Variants in CBL observed in about 807,000 individuals in gnomAD.
The protein encoded by CBL is E3 ubiquitin-protein ligase CBL.
A neutral mutation model predicts 96.9 loss-of-function variants in CBL; 45 were observed. The ratio of observed to expected loss-of-function variants is 0.46; its 90% CI spans 0.37 to 0.60. CBL has a LOEUF of 0.60. Ranked by LOEUF, CBL falls within the 20% of genes least tolerant of loss-of-function variation. The pLI, the probability that CBL is intolerant of heterozygous loss-of-function variation, is 0.00. For synonymous variants in CBL, 420 were observed against 426.8 expected (o/e 0.98, Z 0.20); for missense variants, 1,024 against 1,143.5 (o/e 0.90, Z 1.51).
chr11:119,254,824 A>G (rs1311267366), intron 2 of CBL, among the ~76,000 whole-genome samples: 1 of 151,392 alleles, frequency 6.6e-6, no homozygotes. Flanking sequence ...CTGGTCTGAA[A>G]CTCCTGACCT....
Position 119,207,887 on chromosome 11 carries a change from A to T in CBL, c.195+1275A>T, listed in dbSNP as rs189455232. Among the ~76,000 whole-genome samples, 4 of 152,322 alleles carry T rather than the reference A, an allele frequency of 2.6e-5. No individual in the cohort carries two copies. In the East Asian group the frequency reaches 7.7e-4, roughly 29 times the overall value. ...GGTTGCTTTGGACTAGAAACCGCTA[A>T]TAAAATGATTATGAAGCACTTAGCC... On this transcript the variant is annotated intron_variant, in intron 1 of 15. Coordinates refer to ENST00000264033, the MANE Select transcript of CBL (RefSeq NM_005188.4).
Position 119,297,434 on chromosome 11 carries a change from A to G in CBL, c.2204A>G (p.Tyr735Cys). Reference sequence around the variant, plus strand: ...GATAGCTGTACGTATGAAGCAATGTATAATATTCAGTCCCAGGCGCCATCT... The same window carrying G: ...GATAGCTGTACGTATGAAGCAATGTGTAATATTCAGTCCCAGGCGCCATCT... ...QIDSCTYEAM[Y>C]NIQSQAPSIT... The change falls in exon 14 of 16, where the codon TAT (tyrosine) becomes TGT (cysteine). Residue 735 changes from tyrosine (Y) to cysteine (C), a missense_variant. Transcript: ENST00000264033. The G allele has an allele frequency of 6.2e-7, 1 of 1,613,966 alleles. No individual in the cohort carries two copies. The highest frequency in any genetic ancestry group is 1.1e-5 in the South Asian group (1 of 91,076).
rs115964601 is a variant in CBL, at chr11:119,214,527, G to A, written c.195+7915G>A. On this transcript the variant is annotated intron_variant, in intron 1 of 15. Transcript: ENST00000264033. ...ACCTCCCAAAGTACTGGGATTACAG[G>A]TGTGAGCCACCGTGCCTGGGCAGTA... Among the ~76,000 whole-genome samples the A allele has an allele frequency of 8.3e-3, 1,259 of 152,330 alleles. 22 individuals carry two copies. Among genetic ancestry groups the A allele is most frequent in the African/African-American group, 0.029 (1,191 of 41,574 alleles).
At chr11:119,289,533 C>A (rs537108241) in intron 12 of CBL, 4 of 150,430 alleles carry the variant, frequency 2.7e-5, no homozygotes, top group African/African-American at 9.8e-5. Flanking sequence ...TGTATTATAC[C>A]ATTTCACTCC....
intron 15 of CBL, 84 bp from the exon 16 acceptor site, chr11:119,299,411 T>C (rs988173008): frequency 3.2e-5 from 41 of 1,281,750 alleles, no homozygotes; most frequent in African/African-American, 2.4e-4. Context: ...GTCAGTAATA[T>C]CTTGATATTA....
At chr11:119,274,516 T>G (rs998272598) in intron 4 of CBL, among the ~76,000 whole-genome samples, 8 of 152,228 alleles carry the variant, frequency 5.3e-5, no homozygotes, top group African/African-American at 1.9e-4. Context: ...TGGAACTTAT[T>G]AGTTGCACCT....
chr11:119,230,298 G>A (rs375957741), intron 1 of CBL, among the ~76,000 whole-genome samples: 10 of 151,932 alleles, frequency 6.6e-5, no homozygotes, highest in African/African-American at 2.2e-4. Context: ...GACTACAGGC[G>A]CCCGCCACCA....
At chr11:119,211,390 A>T (rs1418935166) in intron 1 of CBL, among the ~76,000 whole-genome samples, 2 of 152,174 alleles carry the variant, frequency 1.3e-5, no homozygotes, top group Admixed American at 6.5e-5. Context: ...ACAACAAAAA[A>T]TCTTATTGTA....
At position 119,285,089 on chromosome 11, in the gene CBL, A is replaced by G. The variant is rs377734587; in HGVS notation, c.1552A>G (p.Thr518Ala). The change falls in exon 10 of 16, where the codon ACT (threonine) becomes GCT (alanine). Residue 518 changes from threonine (T) to alanine (A), a missense_variant. Thr to Ala is a moderately conservative substitution (Grantham distance 58). Around this residue, in one of 4 missense-constraint regions of CBL, gnomAD observed 695 missense variants for 661.6 expected, o/e 1.05. Coordinates refer to ENST00000264033, the MANE Select transcript of CBL (RefSeq NM_005188.4). The part of the protein sequence containing the change: ...CVPSSASALG[T>A]ASKAASGSLH... ...TCCCTCAAGTGCTTCTGCTCTTGGAACTGCTTCTAAGGTAAAGCATTTTCC... is the reference window on the plus strand; with the variant it reads ...TCCCTCAAGTGCTTCTGCTCTTGGAGCTGCTTCTAAGGTAAAGCATTTTCC... 4.3e-6 allele frequency: 7 copies of G among 1,613,938 alleles called. No homozygotes were observed. The African/African-American group carries it at 9.3e-5, about 22-fold the overall frequency.
In CBL at chr11:119,306,356, G is replaced by A. The variant is rs569180524; in HGVS notation, c.*6575G>A. 14 of 398,734 alleles carry A rather than the reference G, an allele frequency of 3.5e-5. No homozygotes were observed. The highest frequency in any genetic ancestry group is 1.2e-4 in the African/African-American group (6 of 48,732). The allele number at this position is 398,734 out of a possible 1,614,324, so 24.7% of individuals were successfully genotyped here. Reference sequence around the variant, plus strand: ...TGAAGAAATCAGCAGAGTCCTGATTGCCTGATTCAGTCCCAAAAATGAATG... The same window carrying A: ...TGAAGAAATCAGCAGAGTCCTGATTACCTGATTCAGTCCCAAAAATGAATG... On this transcript the variant is annotated 3_prime_UTR_variant, in exon 16 of 16. Coordinates refer to ENST00000264033, the MANE Select transcript of CBL (RefSeq NM_005188.4).
intron 5 of CBL, 89 bp from the exon 6 acceptor site, chr11:119,275,908 G>A (rs183083223): frequency 3.1e-4 from 368 of 1,205,592 alleles, no homozygotes; most frequent in Middle Eastern, 2.2e-3. Flanking sequence ...ATTCTTGATG[G>A]TTCTTTTGAT....
At chr11:119,255,913 AAAG>A (rs1949707574) in intron 2 of CBL, among the ~76,000 whole-genome samples, 1 of 151,916 alleles carries the variant, frequency 6.6e-6, no homozygotes, top group East Asian at 1.9e-4. Flanking sequence ...AAAAAAAAAA[AAAG>A]TAGAGGCAGG....
intron 2 of CBL, among the ~76,000 whole-genome samples, chr11:119,257,852 T>C (rs1272843140): frequency 6.6e-6 from 1 of 152,178 alleles, no homozygotes; most frequent in Non-Finnish European, 1.5e-5. Flanking sequence ...CAAAGATCAG[T>C]TGGTTTTAAG....
rs373354069 is a variant in CBL, at chr11:119,256,261, G to A, written c.444-15474G>A. 4.6e-5 allele frequency among the ~76,000 whole-genome samples: 7 copies of A among 150,570 alleles called. No homozygotes were observed. In the East Asian group the frequency reaches 9.8e-4, roughly 21 times the overall value. On this transcript the variant is annotated intron_variant, in intron 2 of 15. Transcript: ENST00000264033. The stretch of plus-strand genomic sequence containing the variant: ...GGTTGGAGTGCAGTGGTGCGATCTC[G>A]ACTCACTGCAACCTCCGCCTCCTGG...
chr11:119,289,182 G>A (rs932003843), intron 12 of CBL, among the ~76,000 whole-genome samples: 1 of 152,166 alleles, frequency 6.6e-6, no homozygotes, highest in African/African-American at 2.4e-5. Flanking sequence ...TTCTATATAA[G>A]TTAATGAGGT....
At chr11:119,264,388 T>TTCTCTTCTCTTCTCTTCTCTTCTCTTCTC (rs1949780055) in intron 2 of CBL, among the ~76,000 whole-genome samples, 107 of 133,834 alleles carry the variant, frequency 8.0e-4, no homozygotes, top group African/African-American at 1.5e-3. Context: ...TTTCTTTTCT[T>TTCTCTTCTCTTCTCTTCTCTTCTCTTCTC]TTCTCTTCTC....
chr11:119,260,801 T>C (rs905806902), intron 2 of CBL, among the ~76,000 whole-genome samples: 2 of 152,160 alleles, frequency 1.3e-5, no homozygotes, highest in African/African-American at 4.8e-5. Context: ...TTTCGCAGTT[T>C]CTTCTTTCAT....
intron 2 of CBL, among the ~76,000 whole-genome samples, chr11:119,254,405 T>A (rs955144908): frequency 6.6e-6 from 1 of 152,100 alleles, no homozygotes; most frequent in African/African-American, 2.4e-5. Flanking sequence ...CGTCATAGAG[T>A]GTACTTACAG....
At chr11:119,242,741 TAAAAAAAAAA>T (rs34339877) in intron 2 of CBL, among the ~76,000 whole-genome samples, 3 of 117,946 alleles carry the variant, frequency 2.5e-5, no homozygotes, top group Admixed American at 9.0e-5. Context: ...CCTGACTCTT[TAAAAAAAAAA>T]AAAAAAAAAA....
Sources: allele counts gnomAD v4.1 joint callset (sites outside exome capture counted in the v4.1 genomes callset), GRCh38; gene constraint gnomAD v4.1.1; regional missense constraint gnomAD v4.1.1; transcripts MANE v1.5; gene names NCBI Gene and HGNC (gene_info 2026-07-23, HGNC 2026-07-21).